The following ZEB2 variants were observed in gnomAD, a reference collection of about 807,000 sequenced individuals.
ZEB2 encodes the protein zinc finger E-box-binding homeobox 2.
ZEB2 carries 6 observed loss-of-function variants against 99.9 expected under a neutral mutation model. The observed-to-expected ratio is 0.06, with a 90% CI of 0.03 to 0.12. The LOEUF is 0.12. Ranked by LOEUF, ZEB2 falls within the 10% of genes least tolerant of loss-of-function variation. The pLI, the probability that ZEB2 is intolerant of heterozygous loss-of-function variation, is 1.00. For missense variants in ZEB2, 969 were observed against 1,502.8 expected (o/e 0.64, Z 5.87); for synonymous variants, 517 against 542.5 (o/e 0.95, Z 0.65).
intron 2 of ZEB2, among the ~76,000 whole-genome samples, chr2:144,502,792 G>T (rs1573807291): frequency 1.3e-5 from 2 of 151,982 alleles, no homozygotes; most frequent in Admixed American, 6.5e-5. Context: ...TTGTTTTTAA[G>T]TCTCAATCTT....
intron 2 of ZEB2, among the ~76,000 whole-genome samples, chr2:144,501,162 T>C (rs763989829): frequency 3.3e-5 from 5 of 152,204 alleles, no homozygotes; most frequent in Non-Finnish European, 7.3e-5. Flanking sequence ...CTTAATATTC[T>C]CACATGAATT....
chr2:144,485,002 A>C lies in ZEB2; in HGVS notation c.73+32276T>G, dbSNP rs1438867546. Among the ~76,000 whole-genome samples the C allele has an allele frequency of 2.0e-5, 3 of 152,286 alleles. No individual in the cohort carries two copies. In the East Asian group the frequency reaches 5.8e-4, roughly 29 times the overall value. The stretch of plus-strand genomic sequence containing the variant: ...CACTCTTGGCATACATGGCAATTAT[A>C]ACCTGGCCCTTCAGAGTAAAGAGTC... On this transcript the variant is annotated intron_variant, in intron 2 of 9. Coordinates refer to ENST00000627532, the MANE Select transcript of ZEB2 (RefSeq NM_014795.4).
chr2:144,455,759 C>T (rs1704113707), intron 2 of ZEB2, among the ~76,000 whole-genome samples: 1 of 151,990 alleles, frequency 6.6e-6, no homozygotes, highest in Non-Finnish European at 1.5e-5. Context: ...CTCTCTCTTT[C>T]TCTTTCTCTC....
intron 2 of ZEB2, among the ~76,000 whole-genome samples, chr2:144,446,012 G>C (rs1703978259): frequency 6.6e-6 from 1 of 151,990 alleles, no homozygotes; most frequent in African/African-American, 2.4e-5. Flanking sequence ...AGACATGTGG[G>C]GATACTCTAC....
At chr2:144,449,961 C>T (rs971953795) in intron 2 of ZEB2, among the ~76,000 whole-genome samples, 2 of 152,206 alleles carry the variant, frequency 1.3e-5, no homozygotes, top group African/African-American at 4.8e-5. Flanking sequence ...TTCAGACATA[C>T]AGCCTTTCTG....
chr2:144,427,928 A>G (rs1026487653), intron 3 of ZEB2: 5 of 152,258 alleles, frequency 3.3e-5, no homozygotes, highest in African/African-American at 7.2e-5. Flanking sequence ...GGATTACTGT[A>G]TATTAAAACG....
chr2:144,516,926 G>A lies in ZEB2; in HGVS notation c.73+352C>T, dbSNP rs566883324. Among the ~76,000 whole-genome samples the A allele has an allele frequency of 6.5e-4, 98 of 151,450 alleles. No homozygotes were observed. In the East Asian group the frequency reaches 0.017, roughly 26 times the overall value. ...CCCCAGGCGGACGCTCCCGAAGCCC[G>A]GCCGGAGACCCGGCGGGCCGGGCGC... On this transcript the variant is annotated intron_variant, in intron 2 of 9. Transcript: ENST00000627532.
At chr2:144,442,325 T>C (rs1285067475) in intron 2 of ZEB2, among the ~76,000 whole-genome samples, 2 of 152,186 alleles carry the variant, frequency 1.3e-5, no homozygotes, top group Non-Finnish European at 2.9e-5. Flanking sequence ...AATATCAAAA[T>C]ATTCAGTTAA....
At chr2:144,514,859 TG>T (rs1034392602) in intron 2 of ZEB2, among the ~76,000 whole-genome samples, 3 of 152,252 alleles carry the variant, frequency 2.0e-5, no homozygotes, top group African/African-American at 7.2e-5. Context: ...TTTCCACTTC[TG>T]AATGTGGAGG....
chr2:144,512,414 A>G (rs1293568343), intron 2 of ZEB2: 3 of 1,287,244 alleles, frequency 2.3e-6, no homozygotes, highest in Non-Finnish European at 3.0e-6. Flanking sequence ...CAGGGTAGAC[A>G]TACATTTTTC....
intron 4 of ZEB2, chr2:144,405,253 T>C: frequency 1.8e-6 from 1 of 568,492 alleles, no homozygotes; most frequent in Non-Finnish European, 3.1e-6. Context: ...TTTTATTTTA[T>C]TTTTTCTTCC....
intron 2 of ZEB2, among the ~76,000 whole-genome samples, chr2:144,457,738 T>C (rs1017676261): frequency 6.6e-6 from 1 of 152,184 alleles, no homozygotes; most frequent in African/African-American, 2.4e-5. Flanking sequence ...TATTTTTTCA[T>C]GAAAACTCAA....
chr2:144,440,515 ATTTTTTTTTTTTTTT>A (rs201944188), intron 2 of ZEB2, among the ~76,000 whole-genome samples: 1,783 of 32,662 alleles, frequency 0.055, 73 homozygotes, highest in African/African-American at 0.13. Flanking sequence ...ATATATATAT[ATTTTTTTTTTTTTTT>A]TTTTTTTTTT....
intron 2 of ZEB2, among the ~76,000 whole-genome samples, chr2:144,488,702 T>A (rs947792746): frequency 3.4e-4 from 50 of 149,142 alleles, no homozygotes; most frequent in African/African-American, 1.2e-3. Context: ...TGTGTGTGTG[T>A]GATGGGCATT....
intron 4 of ZEB2, among the ~76,000 whole-genome samples, chr2:144,410,721 T>C (rs1247540823): frequency 2.0e-5 from 3 of 152,188 alleles, no homozygotes; most frequent in Admixed American, 6.5e-5. Flanking sequence ...CTATTATCAC[T>C]GGTTTAGTGT....
rs1705164081 is a variant in ZEB2 at position 144,517,102 on chromosome 2, C to G, written c.73+176G>C. 2.0e-5 allele frequency among the ~76,000 whole-genome samples: 3 copies of G among 150,536 alleles called. No individual in the cohort carries two copies. The South Asian group carries it at 6.2e-4, about 31-fold the overall frequency. On this transcript the variant is annotated intron_variant, in intron 2 of 9. Transcript: ENST00000627532. ...TTGCCCGGCACTTCCCCAACACCCC[C>G]CGGTCCAGCCGCCGCGCGCGCCGGG...
chr2:144,509,612 TGTGA>T (rs945595751), intron 2 of ZEB2, among the ~76,000 whole-genome samples: 1 of 152,080 alleles, frequency 6.6e-6, no homozygotes, highest in African/African-American at 2.4e-5. Context: ...TGTTTGTGTG[TGTGA>T]ATGTGTGTGT....
intron 8 of ZEB2, among the ~76,000 whole-genome samples, chr2:144,397,367 C>G (rs1337100685): frequency 6.6e-6 from 1 of 152,146 alleles, no homozygotes; most frequent in Admixed American, 6.5e-5. Context: ...GGCAGATGTA[C>G]TGTAAATTGG....
chr2:144,396,276 G>T (rs187827848), intron 9 of ZEB2, 136 bp downstream of exon 9: 1 of 1,182,940 alleles, frequency 8.5e-7, no homozygotes, highest in Non-Finnish European at 1.3e-6. Flanking sequence ...TACTGAGCTC[G>T]GCAAAAGCAT....
Sources: gnomAD v4.1 joint callset for allele counts (sites outside exome capture counted in the v4.1 genomes callset) on GRCh38, gnomAD v4.1.1 for gene constraint, MANE v1.5 for transcripts, NCBI Gene and HGNC (gene_info 2026-07-23, HGNC 2026-07-21) for gene names.